The following RPS6KC1 variants were observed in gnomAD, a reference collection of about 807,000 sequenced individuals.
The protein encoded by RPS6KC1 is ribosomal protein S6 kinase C1, also known as inactive ribosomal protein S6 kinase delta-1.
RPS6KC1 carries 54 observed loss-of-function variants against 103.8 expected under a neutral mutation model. The observed-to-expected ratio is 0.52, with a 90% confidence interval of 0.42 to 0.65. The LOEUF (loss-of-function observed/expected upper bound fraction) is 0.65. RPS6KC1 is among the 30% of genes least tolerant of loss of function. The probability of loss-of-function intolerance (pLI) is 0.00; values close to 1 mark genes in which losing one functional copy is unlikely to be tolerated. For missense variants in RPS6KC1, 1,151 were observed against 1,253.8 expected (o/e 0.92, Z 1.24); for synonymous variants, 439 against 438.7 (o/e 1.00, Z -0.01).
chr1:213,269,160 C>T (rs1447157277), intron 14 of RPS6KC1, among the ~76,000 whole-genome samples: 4 of 152,082 alleles, frequency 2.6e-5, no homozygotes, highest in African/African-American at 4.8e-5. Flanking sequence ...CACGAAAGAG[C>T]TGGAGTGGCA....
the RPS6KC1 span, among the ~76,000 whole-genome samples, chr1:213,327,207 A>G: frequency 1.3e-5 from 2 of 149,470 alleles, no homozygotes; most frequent in Admixed American, 1.3e-4. Context: ...AGGAGGGAGA[A>G]GCTGCTCAAA....
the RPS6KC1 span, among the ~76,000 whole-genome samples, chr1:213,698,806 T>C: frequency 6.6e-6 from 1 of 152,184 alleles, no homozygotes; most frequent in Non-Finnish European, 1.5e-5. Context: ...TGTACCCTTC[T>C]TTTCTTTATT....
chr1:213,438,865 C>T, the RPS6KC1 span, among the ~76,000 whole-genome samples: 4 of 145,220 alleles, frequency 2.8e-5, no homozygotes, highest in African/African-American at 1.0e-4. Context: ...GTGATCTTGG[C>T]TCACTGCAAG....
At chr1:213,576,461 A>G in the RPS6KC1 span, among the ~76,000 whole-genome samples, 1 of 149,456 alleles carries the variant, frequency 6.7e-6, no homozygotes, top group Non-Finnish European at 1.5e-5. Flanking sequence ...GCATGTATTC[A>G]CTTCCTGTCT....
At chr1:213,596,955 T>C in the RPS6KC1 span, among the ~76,000 whole-genome samples, 1 of 152,220 alleles carries the variant, frequency 6.6e-6, no homozygotes, top group African/African-American at 2.4e-5. Flanking sequence ...TCACTGTGAC[T>C]GTGGCTGGAC....
intron 8 of RPS6KC1, among the ~76,000 whole-genome samples, chr1:213,220,775 T>A (rs540453074): frequency 6.6e-6 from 1 of 152,370 alleles, no homozygotes; most frequent in Non-Finnish European, 1.5e-5. Context: ...TTCCCGTGAA[T>A]ACATTTCTTT....
the RPS6KC1 span, among the ~76,000 whole-genome samples, chr1:213,724,096 T>A: frequency 1.3e-5 from 2 of 152,280 alleles, no homozygotes; most frequent in African/African-American, 2.4e-5. Context: ...TTCATTTTTT[T>A]ATTTGTTTTG....
the RPS6KC1 span, among the ~76,000 whole-genome samples, chr1:213,498,147 T>C: frequency 2.2e-4 from 34 of 152,308 alleles, no homozygotes; most frequent in African/African-American, 7.5e-4. Context: ...CATTATCTTA[T>C]ACCATATCTG....
the RPS6KC1 span, among the ~76,000 whole-genome samples, chr1:213,545,285 C>T: frequency 2.0e-5 from 3 of 151,708 alleles, no homozygotes; most frequent in Non-Finnish European, 4.4e-5. Context: ...GCAGGAGAAT[C>T]GCTTGAACCC....
At chr1:213,522,471 C>G in the RPS6KC1 span, among the ~76,000 whole-genome samples, 1 of 152,218 alleles carries the variant, frequency 6.6e-6, no homozygotes, top group Non-Finnish European at 1.5e-5. Context: ...TAACCCCTAA[C>G]AAGAGAGTCA....
At position 213,222,707 on chromosome 1, in the gene RPS6KC1, G is replaced by A. The variant is rs548560011; in HGVS notation, c.1045-7790G>A. On this transcript the variant is annotated intron_variant, in intron 8 of 14. Transcript: ENST00000366960. ...TAAAGATGCCTCATGAGAATAAGGT[G>A]TGGAATTAAGAGTAGAAACACATTT... 5.8e-4 allele frequency among the ~76,000 whole-genome samples: 89 copies of A among 152,298 alleles called. 3 individuals carry two copies. In the South Asian group the frequency reaches 0.018, roughly 31 times the overall value.
chr1:213,714,329 A>G, the RPS6KC1 span, among the ~76,000 whole-genome samples: 1 of 152,228 alleles, frequency 6.6e-6, no homozygotes, highest in Non-Finnish European at 1.5e-5. Flanking sequence ...GGGATTTTAA[A>G]GTTTTGGGAT....
chr1:213,702,913 C>T, the RPS6KC1 span, among the ~76,000 whole-genome samples: 1 of 151,244 alleles, frequency 6.6e-6, no homozygotes, highest in Non-Finnish European at 1.5e-5. Context: ...ATTGGAGAGT[C>T]TAGCCCATTT....
At chr1:213,585,306 C>A in the RPS6KC1 span, among the ~76,000 whole-genome samples, 3 of 152,174 alleles carry the variant, frequency 2.0e-5, no homozygotes, top group Non-Finnish European at 4.4e-5. Context: ...GACTTTCCCT[C>A]TGCAGAGCCC....
chr1:213,839,240 G>T, the RPS6KC1 span, among the ~76,000 whole-genome samples: 3 of 152,252 alleles, frequency 2.0e-5, no homozygotes, highest in South Asian at 6.2e-4. Flanking sequence ...TTAATAACAG[G>T]TACTTCAGAG....
At chr1:213,503,942 G>A in the RPS6KC1 span, among the ~76,000 whole-genome samples, 135 of 152,164 alleles carry the variant, frequency 8.9e-4, 1 homozygote, top group South Asian at 2.9e-3. Flanking sequence ...TATGTTCAAG[G>A]ATATTTACAT....
intron 3 of RPS6KC1, among the ~76,000 whole-genome samples, chr1:213,100,908 G>A (rs184412799): frequency 6.6e-6 from 1 of 152,242 alleles, no homozygotes; most frequent in African/African-American, 2.4e-5. Flanking sequence ...GAGTGTAGGT[G>A]TCTTTTTGGT....
At chr1:213,363,727 GTTCT>G in the RPS6KC1 span, among the ~76,000 whole-genome samples, 37 of 40,390 alleles carry the variant, frequency 9.2e-4, 4 homozygotes, top group African/African-American at 4.1e-3. Flanking sequence ...TCTTTCTTTC[GTTCT>G]TTCTTTCTCT....
chr1:213,286,701 G>C, the RPS6KC1 span, among the ~76,000 whole-genome samples: 1 of 152,190 alleles, frequency 6.6e-6, no homozygotes, highest in South Asian at 2.1e-4. Context: ...AGAAGTGATA[G>C]AATATTCCCA....
Sources: gnomAD v4.1 joint callset for allele counts (sites outside exome capture counted in the v4.1 genomes callset) on GRCh38, gnomAD v4.1.1 for gene constraint, MANE v1.5 for transcripts, NCBI Gene and HGNC (gene_info 2026-07-23, HGNC 2026-07-21) for gene names.